FMO4: variants seen among roughly 807,000 people sequenced by gnomAD.
FMO4 encodes the protein flavin containing dimethylaniline monoxygenase 4, also known as dimethylaniline monooxygenase [N-oxide-forming] 4.
Under a neutral mutation model 43.3 loss-of-function variants are expected in FMO4, and 38 were observed. The observed-to-expected ratio is 0.88, with a 90% confidence interval of 0.68 to 1.15. The LOEUF is 1.15. Among genes scored for constraint, FMO4 ranks in the 50% most tolerant of loss-of-function variants. FMO4 has a pLI of 0.00. For synonymous variants in FMO4, 224 were observed against 232.2 expected, an observed-to-expected ratio of 0.96 and a Z score of 0.32; for missense variants, 631 against 663.3, an observed-to-expected ratio of 0.95 and a Z score of 0.54.
chr1:171,323,452 T>A (rs2101883859), intron 4 of FMO4, among the ~76,000 whole-genome samples: 1 of 152,176 alleles, frequency 6.6e-6, no homozygotes, highest in East Asian at 1.9e-4. Flanking sequence ...TCACTTGAGG[T>A]CAGGAGTTTG....
intron 3 of FMO4, among the ~76,000 whole-genome samples, 196 bp from the exon 4 acceptor site, chr1:171,322,808 G>A (rs1276929651): frequency 3.3e-5 from 5 of 152,162 alleles, no homozygotes; most frequent in African/African-American, 4.8e-5. Context: ...AGTCAAAATC[G>A]CACCACTGCA....
chr1:171,341,390 TC>T, intron 9 of FMO4, 22 bp from the exon 10 acceptor site: 1 of 1,588,072 alleles, frequency 6.3e-7, no homozygotes, highest in South Asian at 1.1e-5. Context: ...TAATGAAAGG[TC>T]CTCCCTCTTT....
In FMO4 at chr1:171,338,938, T is replaced by C. The variant is rs150461830; in HGVS notation, c.1250+1513T>C. ...TTCATTTATTTATTTACTCACTGAATGAATGAATGATTGACATTGGGACAT... is the reference window on the plus strand; with the variant it reads ...TTCATTTATTTATTTACTCACTGAACGAATGAATGATTGACATTGGGACAT... On this transcript the variant is annotated intron_variant, in intron 9 of 9. Coordinates refer to ENST00000367749, the MANE Select transcript of FMO4 (RefSeq NM_002022.3). Among the ~76,000 whole-genome samples, 625 of 152,318 alleles carry C rather than the reference T, an allele frequency of 4.1e-3. 5 individuals are homozygous for C. The highest frequency in any genetic ancestry group is 0.014 in the African/African-American group (599 of 41,574).
intron 5 of FMO4, among the ~76,000 whole-genome samples, chr1:171,326,828 C>T (rs1046578920): frequency 6.6e-6 from 1 of 152,212 alleles, no homozygotes; most frequent in South Asian, 2.1e-4. Flanking sequence ...GGCGTGATAA[C>T]TTAAAGGGGA....
intron 9 of FMO4, among the ~76,000 whole-genome samples, chr1:171,339,269 C>T (rs1028856966): frequency 2.0e-5 from 3 of 152,062 alleles, no homozygotes; most frequent in Admixed American, 6.6e-5. Flanking sequence ...ACATCAAATC[C>T]AAGAACTGAA....
At chr1:171,334,965 G>A (rs1663062775) in intron 8 of FMO4, among the ~76,000 whole-genome samples, 1 of 152,230 alleles carries the variant, frequency 6.6e-6, no homozygotes, top group Non-Finnish European at 1.5e-5. Context: ...CTCTGTGGAT[G>A]AGATAAATTT....
chr1:171,323,113 T>C lies in FMO4; in HGVS notation c.242T>C (p.Phe81Ser). Residue 81 changes from phenylalanine (F) to serine (S), a missense_variant, in exon 4 of 10, where the codon TTC becomes TCC. Coordinates refer to ENST00000367749, the MANE Select transcript of FMO4 (RefSeq NM_002022.3). ...CCTTTCCACGAAGATTATCCTAATT[T>C]CATGAACCATGAAAAATTTTGGGAC... ...DFPFHEDYPNFMNHEKFWDYL... is the reference protein window; with the variant it reads ...DFPFHEDYPNSMNHEKFWDYL... 6.2e-7 allele frequency: 1 copy of C among 1,613,672 alleles called. No homozygotes were observed. Among genetic ancestry groups the C allele is most frequent in the South Asian group, 1.1e-5 (1 of 91,062 alleles).
chr1:171,322,807 C>T (rs1298861403), intron 3 of FMO4, among the ~76,000 whole-genome samples, 197 bp from the exon 4 acceptor site: 2 of 152,144 alleles, frequency 1.3e-5, no homozygotes, highest in African/African-American at 2.4e-5. Context: ...GAGTCAAAAT[C>T]GCACCACTGC....
At chr1:171,320,973 G>A (rs1662400167) in intron 3 of FMO4, among the ~76,000 whole-genome samples, 1 of 151,992 alleles carries the variant, frequency 6.6e-6, no homozygotes, top group South Asian at 2.1e-4. Context: ...ATCTCTGATG[G>A]ATGATGAATA....
intron 6 of FMO4, among the ~76,000 whole-genome samples, chr1:171,332,271 G>A (rs971723158): frequency 3.9e-5 from 6 of 152,164 alleles, no homozygotes; most frequent in Non-Finnish European, 7.4e-5. Flanking sequence ...GTTTTAGAAA[G>A]TCTAAGCCCA....
At chr1:171,339,808 G>A (rs1418373766) in intron 9 of FMO4, among the ~76,000 whole-genome samples, 1 of 152,186 alleles carries the variant, frequency 6.6e-6, no homozygotes, top group East Asian at 1.9e-4. Context: ...TAAACAGATG[G>A]CCTTGGGAAC....
At chr1:171,325,226 T>C (rs1662609958) in intron 5 of FMO4, among the ~76,000 whole-genome samples, 1 of 152,234 alleles carries the variant, frequency 6.6e-6, no homozygotes, top group Admixed American at 6.5e-5. Context: ...ACATATTCTT[T>C]TTAATATACT....
At chr1:171,314,974 C>A (rs551094870) in intron 1 of FMO4, among the ~76,000 whole-genome samples, 1 of 152,094 alleles carries the variant, frequency 6.6e-6, no homozygotes, top group Admixed American at 6.6e-5. Context: ...TAGGTCAGGT[C>A]TCCTTTCTGC....
chr1:171,337,657 C>A lies in FMO4; in HGVS notation c.1250+232C>A, dbSNP rs1005516152. On this transcript the variant is annotated intron_variant, in intron 9 of 9. Transcript: ENST00000367749. ...TTCAGTGGAACACACAGCCTGGCCC[C>A]CTACCAGTGGCAATCCTGTCTTCAC... is the stretch of plus-strand genomic sequence containing the variant. 8.5e-5 allele frequency among the ~76,000 whole-genome samples: 13 copies of A among 152,268 alleles called. 1 individual carries two copies. The highest frequency in any genetic ancestry group is 6.5e-4 in the Admixed American group (10 of 15,280).
At chr1:171,333,098 C>A in intron 7 of FMO4, 190 bp downstream of exon 7, 1 of 451,360 alleles carries the variant, frequency 2.2e-6, no homozygotes, top group South Asian at 3.8e-5. Flanking sequence ...TTTCTGGTGG[C>A]AAAAGTAGTG....
At position 171,341,894 on chromosome 1, in the gene FMO4, T is replaced by G; in HGVS notation, c.*55T>G. ...CATGCTAATTCTATCTCCAAGTATC[T>G]TGTGCATCCCTCCTCTGCTCTCCAT... On this transcript the variant is annotated 3_prime_UTR_variant, in exon 10 of 10. Transcript: ENST00000367749. The G allele has an allele frequency of 4.2e-6, 6 of 1,412,852 alleles. No individual in the cohort carries two copies. Among genetic ancestry groups the G allele is most frequent in the Non-Finnish European group, 5.8e-6 (6 of 1,028,882 alleles). 87.5% of individuals were successfully genotyped at this position (1,412,852 alleles called of 1,614,324 possible).
intron 5 of FMO4, among the ~76,000 whole-genome samples, chr1:171,330,955 CATA>C (rs899078577): frequency 5.9e-5 from 9 of 152,234 alleles, no homozygotes; most frequent in African/African-American, 2.2e-4. Context: ...AAGCATACTG[CATA>C]ATAACACATC....
At chr1:171,324,366 T>G in intron 5 of FMO4, 66 bp downstream of exon 5, 1 of 1,330,536 alleles carries the variant, frequency 7.5e-7, no homozygotes, top group Admixed American at 2.4e-5. Flanking sequence ...ACTTATTGAT[T>G]TGCAGTTGGA....
In FMO4 at chr1:171,332,914, T is replaced by C. The variant is rs777841766; in HGVS notation, c.827+6T>C. On this transcript the variant is annotated splice_donor_region_variant and intron_variant, in intron 7 of 9. Transcript: ENST00000367749. ...GGATTAAGTATTACCAAAGGGTACT[T>C]ACATTTTTTATTTAGTAGAAAAAAT... The C allele has an allele frequency of 8.7e-7, 1 of 1,145,780 alleles. No individual in the cohort carries two copies. Among genetic ancestry groups the C allele is most frequent in the Middle Eastern group, 2.0e-4 (1 of 5,014 alleles). The allele number at this position is 1,145,780 out of a possible 1,614,324, so 71.0% of individuals were successfully genotyped here.
Sources: allele counts gnomAD v4.1 joint callset (sites outside exome capture counted in the v4.1 genomes callset), GRCh38; gene constraint gnomAD v4.1.1; transcripts MANE v1.5; gene names NCBI Gene and HGNC (gene_info 2026-07-23, HGNC 2026-07-21).